The following BAZ1A variants were observed in gnomAD, a reference collection of about 807,000 sequenced individuals.
BAZ1A encodes bromodomain adjacent to zinc finger domain 1A, also known as bromodomain adjacent to zinc finger domain protein 1A.
A neutral mutation model predicts 185.2 loss-of-function variants in BAZ1A; 50 were observed. The observed-to-expected ratio is 0.27, with a 90% confidence interval of 0.22 to 0.34. The LOEUF (loss-of-function observed/expected upper bound fraction) is 0.34, where lower values mean the gene tolerates loss of function less well. Among genes scored for constraint, BAZ1A ranks in the 10% least tolerant of loss-of-function variants. The probability of loss-of-function intolerance (pLI) is 1.00; values close to 1 mark genes in which losing one functional copy is unlikely to be tolerated. For synonymous variants in BAZ1A, 571 were observed against 615.6 expected (o/e 0.93, Z 1.07); for missense variants, 1,356 against 1,839.9 (o/e 0.74, Z 4.81).
intron 3 of BAZ1A, among the ~76,000 whole-genome samples, chr14:34,840,516 T>C (rs1014580046): frequency 6.6e-6 from 1 of 152,170 alleles, no homozygotes; most frequent in Non-Finnish European, 1.5e-5. Flanking sequence ...CCCAGCACTT[T>C]AGGAGGCCGA....
At position 34,764,799 on chromosome 14, in the gene BAZ1A, TTCA is replaced by T. The variant is rs1350975491; in HGVS notation, c.3681_3683del (p.Asp1227del). ...GACCTTCTTCTTCATCGCCATCAAC[TTCA>T]TCATCCTCACCTCCCATACTGTCTT... On this transcript the variant is annotated inframe_deletion, in exon 23 of 27. Coordinates refer to ENST00000360310, the MANE Select transcript of BAZ1A (RefSeq NM_013448.3). 1 of 1,612,930 alleles carries T rather than the reference TTCA, an allele frequency of 6.2e-7. No homozygotes were observed. Among genetic ancestry groups the T allele is most frequent in the Admixed American group, 1.7e-5 (1 of 60,004 alleles).
chr14:34,777,019 AG>A (rs1879672249), intron 17 of BAZ1A, among the ~76,000 whole-genome samples: 1 of 152,224 alleles, frequency 6.6e-6, no homozygotes, highest in Non-Finnish European at 1.5e-5. Flanking sequence ...TTAAATCTAA[AG>A]GGGCATGCAA....
Position 34,780,325 on chromosome 14 carries a change from C to G in BAZ1A, c.2112-15G>C, listed in dbSNP as rs757109200. Reference sequence around the variant, plus strand: ...TTTCTTCCTCCCTTTAGGATAAAAACAAAGATGACATTTACTAATGAATAT... The same window carrying G: ...TTTCTTCCTCCCTTTAGGATAAAAAGAAAGATGACATTTACTAATGAATAT... On this transcript the variant is annotated splice_polypyrimidine_tract_variant and intron_variant, in intron 16 of 26. Transcript: ENST00000360310. 26 of 1,595,680 alleles carry G rather than the reference C, an allele frequency of 1.6e-5. No individual in the cohort carries two copies. In the South Asian group the frequency reaches 2.9e-4, roughly 18 times the overall value.
chr14:34,831,213 T>C (rs912343535), intron 3 of BAZ1A, among the ~76,000 whole-genome samples: 2 of 152,218 alleles, frequency 1.3e-5, no homozygotes, highest in East Asian at 3.8e-4. Context: ...ATTCTTCCCA[T>C]GTTCTACCCT....
chr14:34,849,152 T>C (rs745542042), intron 3 of BAZ1A, among the ~76,000 whole-genome samples: 1 of 152,104 alleles, frequency 6.6e-6, no homozygotes, highest in South Asian at 2.1e-4. Context: ...TAGCCAGGTG[T>C]GGTGGCACAT....
chr14:34,776,817 A>G (rs2138588929), intron 17 of BAZ1A, among the ~76,000 whole-genome samples: 1 of 152,302 alleles, frequency 6.6e-6, no homozygotes, highest in South Asian at 2.1e-4. Flanking sequence ...GGATATAGCA[A>G]GAAGGCACTG....
rs997046328 is a variant in BAZ1A, at chr14:34,753,174, T to TA, written c.*333dup. 6.1e-4 allele frequency: 135 copies of TA among 220,888 alleles called. No individual in the cohort carries two copies. Among genetic ancestry groups the TA allele is most frequent in the Middle Eastern group, 1.7e-3 (1 of 580 alleles). The allele number at this position is 220,888 out of a possible 1,614,324, so 13.7% of individuals were successfully genotyped here. ...TAACTCTCCCTTAATACCACCACTT[T>TA]AAAAAAAAATCATCAATAACAAAAT... On this transcript the variant is annotated 3_prime_UTR_variant, in exon 27 of 27. Transcript: ENST00000360310.
At chr14:34,802,832 T>C (rs376245656) in intron 7 of BAZ1A, 22 bp downstream of exon 7, 218 of 1,600,762 alleles carry the variant, frequency 1.4e-4, no homozygotes, top group Non-Finnish European at 1.6e-4. Context: ...GAAAATGTAG[T>C]TTTAATCAAT....
At chr14:34,764,641 T>C in intron 23 of BAZ1A, 66 bp downstream of exon 23, 2 of 1,537,056 alleles carry the variant, frequency 1.3e-6, no homozygotes, top group Non-Finnish European at 1.8e-6. Flanking sequence ...TCCATTTGTA[T>C]TTGAATAGTG....
At position 34,795,667 on chromosome 14, in the gene BAZ1A, T is replaced by C. The variant is rs1881146761; in HGVS notation, c.1224+3A>G. 6.3e-7 allele frequency: 1 copy of C among 1,596,224 alleles called. No individual in the cohort carries two copies. The highest frequency in any genetic ancestry group is 1.1e-5 in the South Asian group (1 of 88,650). The stretch of plus-strand genomic sequence containing the variant: ...TGCTAAACATCACATAACATGTTTA[T>C]ACCTTAAGGTCATCACATTCCATAT... On this transcript the variant is annotated splice_donor_region_variant and intron_variant, in intron 10 of 26. Coordinates refer to ENST00000360310, the MANE Select transcript of BAZ1A (RefSeq NM_013448.3).
chr14:34,757,571 A>G (rs1886311646), intron 25 of BAZ1A, among the ~76,000 whole-genome samples: 1 of 151,266 alleles, frequency 6.6e-6, no homozygotes, highest in Non-Finnish European at 1.5e-5. Context: ...AGGCTGAGGC[A>G]GGAGAATCGC....
At chr14:34,767,190 T>G (rs941390580) in intron 21 of BAZ1A, among the ~76,000 whole-genome samples, 4 of 152,230 alleles carry the variant, frequency 2.6e-5, no homozygotes, top group Non-Finnish European at 4.4e-5. Context: ...AGCTAGATTT[T>G]ATGTTAATAC....
intron 11 of BAZ1A, 112 bp downstream of exon 11, chr14:34,794,637 G>T: frequency 9.2e-7 from 1 of 1,089,386 alleles, no homozygotes; most frequent in Non-Finnish European, 1.3e-6. Flanking sequence ...AGCCAGACCA[G>T]AGAGATCCCA....
chr14:34,809,698 C>G (rs2138674216), intron 5 of BAZ1A, among the ~76,000 whole-genome samples: 1 of 152,150 alleles, frequency 6.6e-6, no homozygotes, highest in East Asian at 1.9e-4. Context: ...ATGAGCTAAC[C>G]AAGGCTGTAA....
chr14:34,813,531 A>G (rs2041960040), intron 4 of BAZ1A, among the ~76,000 whole-genome samples: 1 of 151,940 alleles, frequency 6.6e-6, no homozygotes, highest in Non-Finnish European at 1.5e-5. Context: ...AAAAATACAA[A>G]AAGTTAGCCA....
rs117023741 is a variant in BAZ1A at position 34,789,047 on chromosome 14, G to A, written c.1511-2826C>T. ...TATAAAATTTGCATATATGCCAAAA[G>A]TCATTCCTACCAGACCTAATCTAGC... is the stretch of plus-strand genomic sequence containing the variant. On this transcript the variant is annotated intron_variant, in intron 12 of 26. Coordinates refer to ENST00000360310, the MANE Select transcript of BAZ1A (RefSeq NM_013448.3). 5.3e-5 allele frequency among the ~76,000 whole-genome samples: 8 copies of A among 152,312 alleles called. No homozygotes were observed. The East Asian group carries it at 1.5e-3, about 29-fold the overall frequency.
At chr14:34,764,004 G>A (rs1878626147) in intron 23 of BAZ1A, among the ~76,000 whole-genome samples, 1 of 152,074 alleles carries the variant, frequency 6.6e-6, no homozygotes, top group African/African-American at 2.4e-5. Context: ...TCAAGTAAGG[G>A]GAGATTGCCC....
intron 25 of BAZ1A, among the ~76,000 whole-genome samples, chr14:34,756,756 C>T (rs112584016): frequency 0.1 from 15,387 of 151,848 alleles, 993 homozygotes; most frequent in Admixed American, 0.2. Context: ...TGAGCCACTA[C>T]GCCTGGCCCA....
intron 4 of BAZ1A, among the ~76,000 whole-genome samples, chr14:34,820,047 C>T (rs548905485): frequency 1.3e-5 from 2 of 150,942 alleles, no homozygotes; most frequent in South Asian, 2.1e-4. Flanking sequence ...TTTTCATATG[C>T]TTACTTGCCA....
Sources: allele counts gnomAD v4.1 joint callset (sites outside exome capture counted in the v4.1 genomes callset), GRCh38; gene constraint gnomAD v4.1.1; transcripts MANE v1.5; gene names NCBI Gene and HGNC (gene_info 2026-07-23, HGNC 2026-07-21).